Variants in RAP1GAP2 observed in about 807,000 individuals in gnomAD.
RAP1GAP2 encodes RAP1 GTPase activating protein 2, also known as rap1 GTPase-activating protein 2.
A neutral mutation model predicts 95.0 loss-of-function variants in RAP1GAP2; 27 were observed. The ratio of observed to expected loss-of-function variants is 0.28; its 90% CI spans 0.21 to 0.39. RAP1GAP2 has a LOEUF of 0.39. RAP1GAP2 is among the 10% of genes least tolerant of loss of function. The pLI is 1.00. For missense variants in RAP1GAP2, 771 were observed against 970.0 expected, an observed-to-expected ratio of 0.79 and a Z score of 2.72; for synonymous variants, 373 against 380.9, an observed-to-expected ratio of 0.98 and a Z score of 0.24.
Position 2,965,173 on chromosome 17 carries a change from C to G in RAP1GAP2, c.493-367C>G, listed in dbSNP as rs974772108. The G allele has an allele frequency of 8.8e-6, 2 of 227,518 alleles. No homozygotes were observed. Among genetic ancestry groups the G allele is most frequent in the Non-Finnish European group, 1.8e-5 (2 of 113,624 alleles). The allele number at this position is 227,518 out of a possible 1,614,324, so 14.1% of individuals were successfully genotyped here. A position where few individuals can be genotyped will look rare whatever the true frequency, so the allele number is the denominator to read the frequency against. Reference sequence around the variant, plus strand: ...GGTATCTTGTGGTTAAGAACTTGCCCTTCAGAGTCAAGACAGCTGTGCGTT... The same window carrying G: ...GGTATCTTGTGGTTAAGAACTTGCCGTTCAGAGTCAAGACAGCTGTGCGTT... On this transcript the variant is annotated intron_variant, in intron 7 of 24. Transcript: ENST00000254695. The surrounding 1 kb of genome is among the most constrained non-coding windows in gnomAD (Gnocchi z 4.7).
chr17:2,771,488 T>G (rs1007612949), intron 2 of RAP1GAP2, among the ~76,000 whole-genome samples: 4 of 145,502 alleles, frequency 2.7e-5, no homozygotes, highest in East Asian at 2.0e-4. Context: ...ACTTTTTTGT[T>G]TTTTTTTTTT....
intron 2 of RAP1GAP2, among the ~76,000 whole-genome samples, chr17:2,863,463 C>T (rs1229923442): frequency 6.6e-6 from 1 of 152,182 alleles, no homozygotes; most frequent in African/African-American, 2.4e-5. Context: ...CATGTGTGTC[C>T]TGAGACAGCT....
chr17:2,773,608 G>A (rs2068438451), upstream of RAP1GAP2, among the ~76,000 whole-genome samples: 1 of 152,128 alleles, frequency 6.6e-6, no homozygotes, highest in Non-Finnish European at 1.5e-5. Context: ...ATTCCAGCAA[G>A]CAAGATGGCA....
chr17:2,939,657 C>T (rs910984569), intron 3 of RAP1GAP2, among the ~76,000 whole-genome samples: 4 of 152,218 alleles, frequency 2.6e-5, no homozygotes, highest in Non-Finnish European at 5.9e-5. Context: ...TCCGGCCACG[C>T]GGGCCAGCAG....
chr17:3,012,186 A>G (rs2046571131), intron 17 of RAP1GAP2, among the ~76,000 whole-genome samples: 1 of 152,180 alleles, frequency 6.6e-6, no homozygotes, highest in African/African-American at 2.4e-5. Context: ...GACACAGAAC[A>G]GTTGGCTTTT....
Position 2,764,599 on chromosome 17 carries a change from T to C in RAP1GAP2, c.51-5730T>C, listed in dbSNP as rs563671882. Among the ~76,000 whole-genome samples, 6 of 151,838 alleles carry C rather than the reference T, an allele frequency of 4.0e-5. No homozygotes were observed. In the East Asian group the frequency reaches 1.2e-3, roughly 29 times the overall value. ...AGCTGGGTGTGGTGGCAGGCACCTA[T>C]AATCCCAGCTACTCAGGAGGCTGAG... is the stretch of plus-strand genomic sequence containing the variant. On this transcript the variant is annotated intron_variant, in intron 1 of 25. Coordinates refer to the RAP1GAP2 transcript ENST00000637138.
intron 2 of RAP1GAP2, among the ~76,000 whole-genome samples, chr17:2,848,184 T>G (rs2071669930): frequency 6.6e-6 from 1 of 152,084 alleles, no homozygotes; most frequent in African/African-American, 2.4e-5. Flanking sequence ...ATCTGTGGGT[T>G]TCCTCAGCGT....
At chr17:2,891,809 CTTTTCTTTTTT>C (rs2073726864) in intron 2 of RAP1GAP2, among the ~76,000 whole-genome samples, 1 of 58,030 alleles carries the variant, frequency 1.7e-5, no homozygotes, top group Non-Finnish European at 4.0e-5. Flanking sequence ...ATTCATATTT[CTTTTCTTTTTT>C]TTTTTTTTTT....
intron 2 of RAP1GAP2, among the ~76,000 whole-genome samples, chr17:2,885,151 A>G (rs758351525): frequency 8.9e-5 from 13 of 145,818 alleles, no homozygotes; most frequent in Non-Finnish European, 1.6e-4. Context: ...CTTCTGCCTC[A>G]GCCTCCCCAG....
At position 3,037,707 on chromosome 17, in the gene RAP1GAP2, CAG is replaced by C. The variant is rs2047511399; in HGVS notation, c.*4348_*4349del. The C allele has an allele frequency of 6.6e-6, 1 of 152,252 alleles. No individual in the cohort carries two copies. Among genetic ancestry groups the C allele is most frequent in the Non-Finnish European group, 1.5e-5 (1 of 67,994 alleles). The allele number at this position is 152,252 out of a possible 1,614,324, so 9.4% of individuals were successfully genotyped here. A position where few individuals can be genotyped will look rare whatever the true frequency, so the allele number is the denominator to read the frequency against. ...ATTTTGTTGCTTAAATGTGTCTTTG[CAG>C]AAATTGACAATAAATAACATATTTT... is the stretch of plus-strand genomic sequence containing the variant. On this transcript the variant is annotated 3_prime_UTR_variant, in exon 25 of 25. Transcript: ENST00000254695.
At chr17:2,962,802 G>A in intron 5 of RAP1GAP2, 88 bp downstream of exon 5, 1 of 1,279,496 alleles carries the variant, frequency 7.8e-7, no homozygotes, top group Non-Finnish European at 1.1e-6. Context: ...GGGATGCTGG[G>A]GTCTTCTGTC....
chr17:2,775,721 C>T (rs1007227272), upstream of RAP1GAP2, among the ~76,000 whole-genome samples: 1 of 152,152 alleles, frequency 6.6e-6, no homozygotes, highest in Non-Finnish European at 1.5e-5. Context: ...GAGAACTTCC[C>T]ATCACTAAGC....
intron 2 of RAP1GAP2, among the ~76,000 whole-genome samples, chr17:2,897,677 C>T (rs927727336): frequency 6.6e-6 from 1 of 151,912 alleles, no homozygotes; most frequent in African/African-American, 2.4e-5. Context: ...AGACTTGCTC[C>T]CCACTTCCCA....
At chr17:2,849,950 C>T (rs539372220) in intron 2 of RAP1GAP2, among the ~76,000 whole-genome samples, 231 of 151,246 alleles carry the variant, frequency 1.5e-3, no homozygotes, top group Non-Finnish European at 2.6e-3. Context: ...TCTTCAAGAA[C>T]AGTGCCTTGG....
At chr17:2,862,827 G>A (rs556683232) in intron 2 of RAP1GAP2, among the ~76,000 whole-genome samples, 31 of 151,918 alleles carry the variant, frequency 2.0e-4, no homozygotes, top group East Asian at 1.7e-3. Context: ...GCGAAACCCC[G>A]TCTCTACTAA....
intron 3 of RAP1GAP2, among the ~76,000 whole-genome samples, chr17:2,944,351 C>T (rs532054918): frequency 1.2e-4 from 19 of 152,252 alleles, no homozygotes; most frequent in East Asian, 5.8e-4. Flanking sequence ...ATTCTTTGCA[C>T]GTGGATATCC....
chr17:2,807,393 TGA>T (rs1408525861), intron 2 of RAP1GAP2, among the ~76,000 whole-genome samples: 1 of 152,202 alleles, frequency 6.6e-6, no homozygotes, highest in Non-Finnish European at 1.5e-5. Flanking sequence ...GGGCATCTGC[TGA>T]GAGTTTGCTG....
chr17:2,865,804 C>G (rs1213521654), intron 2 of RAP1GAP2, among the ~76,000 whole-genome samples: 1 of 152,208 alleles, frequency 6.6e-6, no homozygotes, highest in African/African-American at 2.4e-5. Flanking sequence ...TGCAGCTCCT[C>G]TGACCCCCAG....
rs1406077215 is a variant in RAP1GAP2, at chr17:3,036,213, GC to G, written c.*2854del. 1.3e-5 allele frequency: 2 copies of G among 152,202 alleles called. No homozygotes were observed. The highest frequency in any genetic ancestry group is 4.8e-5 in the African/African-American group (2 of 41,444). The allele number at this position is 152,202 out of a possible 1,614,324, so 9.4% of individuals were successfully genotyped here. ...CTTTGTCAGCATCATCTCAACACAA[GC>G]CTGCTGGCTCTTTTTAGCATCTCAT... On this transcript the variant is annotated 3_prime_UTR_variant, in exon 25 of 25. Coordinates refer to ENST00000254695, the MANE Select transcript of RAP1GAP2 (RefSeq NM_015085.5).
Sources: gnomAD v4.1 joint callset for allele counts (sites outside exome capture counted in the v4.1 genomes callset) on GRCh38, gnomAD v4.1.1 for gene constraint, Gnocchi (gnomAD v3.1) non-coding constraint, MANE v1.5 for transcripts, NCBI Gene and HGNC (gene_info 2026-07-23, HGNC 2026-07-21) for gene names.